The following LRWD1 variants were observed in gnomAD, a reference collection of about 807,000 sequenced individuals.
The protein encoded by LRWD1 is leucine rich repeats and WD repeat domain containing 1.
LRWD1 carries 76 observed loss-of-function variants against 75.6 expected under a neutral mutation model. The observed-to-expected ratio is 1.01, with a 90% CI of 0.84 to 1.22. The LOEUF is 1.22. LRWD1 is among the 50% of genes most tolerant of loss of function. The pLI, the probability that LRWD1 is intolerant of heterozygous loss-of-function variation, is 0.00. For synonymous variants in LRWD1, 487 were observed against 377.0 expected (o/e 1.29, Z -3.38); for missense variants, 917 against 862.0 (o/e 1.06, Z -0.80).
intron 11 of LRWD1, chr7:102,470,942 C>T (rs112398228): frequency 0.062 from 9,381 of 151,266 alleles, 325 homozygotes; most frequent in Non-Finnish European, 0.075. Context: ...ATTTTCTTTT[C>T]TTTGAGATGG....
chr7:102,468,233 G>C, intron 6 of LRWD1, 30 bp from the exon 7 acceptor site: 1 of 1,599,438 alleles, frequency 6.3e-7, no homozygotes, highest in Non-Finnish European at 8.5e-7. Flanking sequence ...GTCGGGGCTG[G>C]GCAGCTGTGA....
intron 11 of LRWD1, 67 bp downstream of exon 11, chr7:102,469,949 G>C: frequency 1.4e-6 from 2 of 1,433,636 alleles, no homozygotes; most frequent in Non-Finnish European, 1.8e-6. Flanking sequence ...GCCCAGATGG[G>C]CTCACAGCAG....
intron 11 of LRWD1, chr7:102,471,878 C>G (rs939831120): frequency 3.7e-5 from 11 of 294,828 alleles, no homozygotes; most frequent in African/African-American, 6.6e-5. Flanking sequence ...AACACCTGCT[C>G]TACTTGGCTG....
intron 11 of LRWD1, chr7:102,470,171 C>T (rs1798142415): frequency 1.0e-5 from 4 of 398,640 alleles, no homozygotes; most frequent in Non-Finnish European, 1.8e-5. Context: ...TCCTGCCACT[C>T]ATCAGCAGTG....
chr7:102,468,477 T>TGGG (rs1798082615), intron 7 of LRWD1, 77 bp from the exon 8 acceptor site: 1 of 1,540,442 alleles, frequency 6.5e-7, no homozygotes. Context: ...CCATCAAGGC[T>TGGG]GGGAGGAGGA....
In LRWD1 at chr7:102,465,036, C is replaced by T. The variant is rs1286970925; in HGVS notation, c.-45C>T. The T allele has an allele frequency of 3.5e-6, 5 of 1,435,116 alleles. No homozygotes were observed. The highest frequency in any genetic ancestry group is 1.4e-5 in the South Asian group (1 of 70,088). 88.9% of individuals were successfully genotyped at this position (1,435,116 alleles called of 1,614,324 possible). On this transcript the variant is annotated 5_prime_UTR_variant, in exon 1 of 15. In the 5' UTR this introduces an upstream ATG that the reference lacks. Transcript: ENST00000292616. ...CCAGGAGACGCAGGGCGACGCCACACGCCGGGGTGGCCGACTGGGTCAGCG... is the reference window on the plus strand; with the variant it reads ...CCAGGAGACGCAGGGCGACGCCACATGCCGGGGTGGCCGACTGGGTCAGCG...
chr7:102,467,734 G>A lies in LRWD1; in HGVS notation c.589G>A (p.Glu197Lys). 6.4e-7 allele frequency: 1 copy of A among 1,551,726 alleles called. No homozygotes were observed. The highest frequency in any genetic ancestry group is 8.7e-7 in the Non-Finnish European group (1 of 1,147,122). ...CCCCACCCAGGTGCGGATGATCTCT[G>A]AGGAGCTGGTGGCCGCCAGTAGGAC... ...FTQWRVRMIS[E>K]ELVAASRTQV... is the part of the protein sequence containing the mutation. Residue 197 changes from glutamate (E) to lysine (K), a missense_variant, in exon 5 of 15, where the codon GAG becomes AAG. Physicochemically the swap from Glu to Lys is moderately conservative, Grantham distance 56. Coordinates refer to ENST00000292616, the MANE Select transcript of LRWD1 (RefSeq NM_152892.3).
rs781715136 is a variant in LRWD1 at position 102,468,083 on chromosome 7, C to T, written c.700C>T (p.Arg234Trp). 3 of 1,609,032 alleles carry T rather than the reference C, an allele frequency of 1.9e-6. No individual in the cohort carries two copies. Among genetic ancestry groups the T allele is most frequent in the South Asian group, 1.1e-5 (1 of 90,898 alleles). Residue 234 changes from arginine to tryptophan, a missense_variant, in exon 6 of 15, where the codon CGG becomes TGG. Arg to Trp is a moderately radical substitution (Grantham distance 101). Coordinates refer to ENST00000292616, the MANE Select transcript of LRWD1 (RefSeq NM_152892.3). ...KPRARLAALK[R>W]PDDVPLSLSP... The stretch of plus-strand genomic sequence containing the variant: ...ACAGGCCAGACTGGCGGCCTTGAAA[C>T]GGCCAGACGACGTCCCACTCAGCCT...
Position 102,465,000 on chromosome 7 carries a change from A to C in LRWD1, c.-81A>C. On this transcript the variant is annotated 5_prime_UTR_variant, in exon 1 of 15. Transcript: ENST00000292616. ...CCTGGGCTCAGTTACCGCGGACGCC[A>C]GTGCCGGGCTCCAGGAGACGCAGGG... The C allele has an allele frequency of 2.2e-6, 3 of 1,359,840 alleles. No homozygotes were observed. Among genetic ancestry groups the C allele is most frequent in the Non-Finnish European group, 2.9e-6 (3 of 1,048,778 alleles). 84.2% of individuals were successfully genotyped at this position (1,359,840 alleles called of 1,614,324 possible).
At position 102,466,776 on chromosome 7, in the gene LRWD1, T is replaced by C. The variant is rs1349529105; in HGVS notation, c.432+506T>C. The stretch of plus-strand genomic sequence containing the variant: ...CTTTTTTACCTTTTTTTTTTTTTTT[T>C]TTTTTTTTTTTTTTTTTTTTTAGAG... On this transcript the variant is annotated intron_variant, in intron 3 of 14. Coordinates refer to ENST00000292616, the MANE Select transcript of LRWD1 (RefSeq NM_152892.3). Among the ~76,000 whole-genome samples, 17 of 101,054 alleles carry C rather than the reference T, an allele frequency of 1.7e-4. 1 individual carries two copies. In the East Asian group the frequency reaches 4.0e-3, roughly 24 times the overall value. 66.3% of individuals were successfully genotyped at this position (101,054 alleles called of 152,430 possible). A position where few individuals can be genotyped will look rare whatever the true frequency, so the allele number is the denominator to read the frequency against.
At chr7:102,472,670 G>T in intron 13 of LRWD1, 22 bp from the exon 14 acceptor site, 1 of 1,613,180 alleles carries the variant, frequency 6.2e-7, no homozygotes, top group Non-Finnish European at 8.5e-7. Flanking sequence ...CCCCCACTCA[G>T]ACTCCACCTC....
In LRWD1 at chr7:102,473,125, G is replaced by GC; in HGVS notation, c.*76_*77insC. On this transcript the variant is annotated 3_prime_UTR_variant, in exon 15 of 15. Coordinates refer to ENST00000292616, the MANE Select transcript of LRWD1 (RefSeq NM_152892.3). ...TTTGGGCCGATGGGGGTGGGGGGGG[G>GC]TCTTTCAGTGAATATTTTTATTAAA... The GC allele has an allele frequency of 8.3e-7, 1 of 1,201,658 alleles. No homozygotes were observed. Among genetic ancestry groups the GC allele is most frequent in the African/African-American group, 1.5e-5 (1 of 64,602 alleles). The allele number at this position is 1,201,658 out of a possible 1,614,324, so 74.4% of individuals were successfully genotyped here.
At chr7:102,465,228 C>T in intron 1 of LRWD1, 68 bp downstream of exon 1, 2 of 1,327,752 alleles carry the variant, frequency 1.5e-6, no homozygotes, top group Non-Finnish European at 2.0e-6. Context: ...AGCGGGGACC[C>T]TCCCCAACGG....
chr7:102,468,471 C>T, intron 7 of LRWD1, 83 bp from the exon 8 acceptor site: 1 of 1,539,174 alleles, frequency 6.5e-7, no homozygotes, highest in South Asian at 1.2e-5. Context: ...AAGGCGCCAT[C>T]AAGGCTGGGA....
chr7:102,472,178 T>C (rs1798214865), intron 11 of LRWD1, 40 bp from the exon 12 acceptor site: 1 of 1,549,580 alleles, frequency 6.5e-7, no homozygotes, highest in Non-Finnish European at 8.8e-7. Flanking sequence ...GCTCTCTATC[T>C]GCAAGGAATG....
chr7:102,468,303 A>T lies in LRWD1; in HGVS notation c.845A>T (p.His282Leu), dbSNP rs1193722997. The T allele has an allele frequency of 2.5e-6, 4 of 1,612,480 alleles. No individual in the cohort carries two copies. The Admixed American group carries it at 6.7e-5, about 27-fold the overall frequency. The change falls in exon 7 of 15, where the codon CAC (histidine) becomes CTC (leucine). Residue 282 changes from histidine (H) to leucine (L), a missense_variant. Physicochemically the swap from His to Leu is moderately conservative, Grantham distance 99. Coordinates refer to ENST00000292616, the MANE Select transcript of LRWD1 (RefSeq NM_152892.3). ...KLEPLHFLQC[H>L]SKNNSPQDLE... ...GAGCCCCTGCACTTCCTGCAGTGCC[A>T]CAGCAAGAACAACAGCCCCCAGGAC...
At position 102,473,115 on chromosome 7, in the gene LRWD1, G is replaced by T. The variant is rs1296144439; in HGVS notation, c.*66G>T. ...CTTATTCAGCTTTGGGCCGATGGGG[G>T]TGGGGGGGGGTCTTTCAGTGAATAT... On this transcript the variant is annotated 3_prime_UTR_variant, in exon 15 of 15. Transcript: ENST00000292616. 2 of 1,402,972 alleles carry T rather than the reference G, an allele frequency of 1.4e-6. No individual in the cohort carries two copies. Among genetic ancestry groups the T allele is most frequent in the Admixed American group, 2.4e-5 (1 of 41,144 alleles). 86.9% of individuals were successfully genotyped at this position (1,402,972 alleles called of 1,614,324 possible).
At position 102,472,983 on chromosome 7, in the gene LRWD1, T is replaced by TGCCTCC; in HGVS notation, c.1879_1884dup (p.Ala627_Ser628dup). ...CCATGGTGAACACAGTGGTGGCCAA[T>TGCCTCC]GCCTCCTTCACCTACCTCACCGCCC... On this transcript the variant is annotated inframe_insertion, in exon 15 of 15. Coordinates refer to ENST00000292616, the MANE Select transcript of LRWD1 (RefSeq NM_152892.3). 6.2e-7 allele frequency: 1 copy of TGCCTCC among 1,613,624 alleles called. No individual in the cohort carries two copies. Among genetic ancestry groups the TGCCTCC allele is most frequent in the Non-Finnish European group, 8.5e-7 (1 of 1,179,802 alleles).
Position 102,468,842 on chromosome 7 carries a change from A to C in LRWD1, c.1021-13A>C, listed in dbSNP as rs1163041637. ...CTCTGCCCCAGTGACTGTTTACTCTAACCCCCGCCCAGGAGTTCTTTTCTG... is the reference window on the plus strand; with the variant it reads ...CTCTGCCCCAGTGACTGTTTACTCTCACCCCCGCCCAGGAGTTCTTTTCTG... On this transcript the variant is annotated splice_polypyrimidine_tract_variant and intron_variant, in intron 8 of 14. Transcript: ENST00000292616. The C allele has an allele frequency of 2.5e-6, 4 of 1,607,664 alleles. No homozygotes were observed. Among genetic ancestry groups the C allele is most frequent in the African/African-American group, 1.3e-5 (1 of 74,692 alleles).
Sources: allele counts gnomAD v4.1 joint callset (sites outside exome capture counted in the v4.1 genomes callset), GRCh38; gene constraint gnomAD v4.1.1; transcripts MANE v1.5; gene names NCBI Gene and HGNC (gene_info 2026-07-23, HGNC 2026-07-21).